Variants in SLC9C1 observed in about 807,000 individuals in gnomAD.
SLC9C1 encodes the protein solute carrier family 9 member C1, also known as sodium/hydrogen exchanger 10.
SLC9C1 carries 97 observed loss-of-function variants against 140.9 expected under a neutral mutation model. The ratio of observed to expected loss-of-function variants is 0.69; its 90% CI spans 0.58 to 0.82. The LOEUF is 0.82. Among genes scored for constraint, SLC9C1 ranks in the 40% least tolerant of loss-of-function variants. The pLI is 0.00. For missense variants in SLC9C1, 1,340 were observed against 1,389.3 expected, an observed-to-expected ratio of 0.96 and a Z score of 0.56; for synonymous variants, 440 against 442.6, an observed-to-expected ratio of 0.99 and a Z score of 0.07.
At chr3:112,273,559 G>GA (rs1416970006) in intron 6 of SLC9C1, among the ~76,000 whole-genome samples, 1 of 152,112 alleles carries the variant, frequency 6.6e-6, no homozygotes, top group Non-Finnish European at 1.5e-5. Context: ...GCTCCTTTGA[G>GA]GGAGGGGTGA....
intron 17 of SLC9C1, 40 bp from the exon 18 acceptor site, chr3:112,202,439 A>G (rs1459526751): frequency 6.5e-7 from 1 of 1,540,344 alleles, no homozygotes. Flanking sequence ...AATTGCACAA[A>G]TATCATTTTA....
At chr3:112,240,947 A>T (rs2079122704) in intron 11 of SLC9C1, among the ~76,000 whole-genome samples, 1 of 141,726 alleles carries the variant, frequency 7.1e-6, no homozygotes, top group Non-Finnish European at 1.5e-5. Context: ...ATGGACATAG[A>T]GGGTAGAATG....
chr3:112,236,337 G>C (rs948362091), intron 12 of SLC9C1, among the ~76,000 whole-genome samples: 1 of 151,958 alleles, frequency 6.6e-6, no homozygotes, highest in Non-Finnish European at 1.5e-5. Flanking sequence ...ATTTTTTATT[G>C]CATCTATTTG....
intron 22 of SLC9C1, among the ~76,000 whole-genome samples, chr3:112,180,061 T>C (rs1352836568): frequency 6.6e-6 from 1 of 152,216 alleles, no homozygotes; most frequent in East Asian, 1.9e-4. Context: ...AGTATGGCTT[T>C]AAAATGATGG....
intron 20 of SLC9C1, among the ~76,000 whole-genome samples, chr3:112,195,667 C>G (rs1371562814): frequency 6.6e-6 from 1 of 151,946 alleles, no homozygotes; most frequent in Non-Finnish European, 1.5e-5. Flanking sequence ...TAGATGAACT[C>G]CCAGAGCTAT....
intron 14 of SLC9C1, among the ~76,000 whole-genome samples, chr3:112,219,065 A>G (rs924223478): frequency 6.6e-6 from 1 of 152,262 alleles, no homozygotes; most frequent in Non-Finnish European, 1.5e-5. Context: ...CTGAGGTAAA[A>G]TAGGTTAATA....
At chr3:112,248,125 T>C (rs2079344454) in intron 10 of SLC9C1, among the ~76,000 whole-genome samples, 1 of 152,146 alleles carries the variant, frequency 6.6e-6, no homozygotes. Flanking sequence ...AGCTGACCTA[T>C]GGAGAGGTCC....
chr3:112,186,438 AC>A (rs1301216736), intron 20 of SLC9C1, among the ~76,000 whole-genome samples: 1 of 152,198 alleles, frequency 6.6e-6, no homozygotes, highest in African/African-American at 2.4e-5. Context: ...CAGAAAAAAA[AC>A]AAAAACAATT....
At chr3:112,285,538 G>T (rs1469013797) in intron 2 of SLC9C1, among the ~76,000 whole-genome samples, 1 of 152,166 alleles carries the variant, frequency 6.6e-6, no homozygotes, top group Non-Finnish European at 1.5e-5. Context: ...ACCGTGCCCA[G>T]CCAGGAGAGT....
chr3:112,168,788 T>C (rs1310437845), intron 25 of SLC9C1, 89 bp downstream of exon 25: 3 of 1,249,540 alleles, frequency 2.4e-6, no homozygotes, highest in African/African-American at 1.5e-5. Flanking sequence ...GATGAAAAGC[T>C]TAAGATTATA....
intron 20 of SLC9C1, among the ~76,000 whole-genome samples, chr3:112,191,757 C>G (rs940059030): frequency 1.3e-5 from 2 of 152,036 alleles, no homozygotes; most frequent in African/African-American, 4.8e-5. Context: ...GCAATGTTAA[C>G]TCATCATTGC....
At chr3:112,174,176 C>G (rs970133443) in intron 23 of SLC9C1, among the ~76,000 whole-genome samples, 8 of 152,180 alleles carry the variant, frequency 5.3e-5, no homozygotes, top group African/African-American at 1.9e-4. Flanking sequence ...CTTAGAGATT[C>G]TGGCTTATAA....
At chr3:112,269,633 G>A (rs955590001) in intron 7 of SLC9C1, among the ~76,000 whole-genome samples, 1 of 152,000 alleles carries the variant, frequency 6.6e-6, no homozygotes, top group African/African-American at 2.4e-5. Context: ...TGTTCAATTA[G>A]TCATGAAATT....
At chr3:112,234,292 G>T (rs1276866148) in intron 12 of SLC9C1, among the ~76,000 whole-genome samples, 1 of 152,196 alleles carries the variant, frequency 6.6e-6, no homozygotes, top group Non-Finnish European at 1.5e-5. Context: ...TTTGAGAAGT[G>T]TCTGTTCATA....
At chr3:112,169,448 T>A in intron 23 of SLC9C1, 120 bp from the exon 24 acceptor site, 1 of 935,852 alleles carries the variant, frequency 1.1e-6, no homozygotes, top group Non-Finnish European at 1.5e-6. Flanking sequence ...ATTCACATAA[T>A]AGCATGGAAA....
chr3:112,290,677 T>C (rs1452409053), intron 1 of SLC9C1, among the ~76,000 whole-genome samples: 3 of 152,218 alleles, frequency 2.0e-5, no homozygotes, highest in Non-Finnish European at 2.9e-5. Context: ...TATTATTATG[T>C]GGGAGTGTCA....
intron 26 of SLC9C1, among the ~76,000 whole-genome samples, chr3:112,156,757 T>C (rs1367101253): frequency 6.6e-6 from 1 of 152,132 alleles, no homozygotes; most frequent in Non-Finnish European, 1.5e-5. Context: ...GTGGTTTTGA[T>C]TTGCATTTCT....
In SLC9C1 at chr3:112,200,751, C is replaced by T; in HGVS notation, c.2334G>A (p.Lys778=). Residue 778 remains lysine, a synonymous_variant, in exon 19 of 29, where the codon AAG becomes AAA. Coordinates refer to ENST00000305815, the MANE Select transcript of SLC9C1 (RefSeq NM_183061.3). ...CATGTTCCATATTCCTTATCACTTG[C>T]TTTAATAACATCTAAGGAACAAAAG... ...SSKQIKQMLL[K]QVIRNMEHAI... The T allele has an allele frequency of 6.2e-7, 1 of 1,608,538 alleles. No homozygotes were observed. The highest frequency in any genetic ancestry group is 8.5e-7 in the Non-Finnish European group (1 of 1,177,596).
chr3:112,233,663 A>T (rs2078898239), intron 12 of SLC9C1, among the ~76,000 whole-genome samples: 1 of 133,658 alleles, frequency 7.5e-6, no homozygotes, highest in Non-Finnish European at 1.5e-5. Context: ...CCAGTGTGTG[A>T]TGTTACCCTT....
Sources: allele counts gnomAD v4.1 joint callset (sites outside exome capture counted in the v4.1 genomes callset), GRCh38; gene constraint gnomAD v4.1.1; transcripts MANE v1.5; gene names NCBI Gene and HGNC (gene_info 2026-07-23, HGNC 2026-07-21).